CPNE8: variants seen among roughly 807,000 people sequenced by gnomAD.
CPNE8 encodes copine 8.
CPNE8 carries 45 observed loss-of-function variants against 81.5 expected under a neutral mutation model. That is an observed-to-expected ratio of 0.55 (90% CI 0.44 to 0.71). The LOEUF (loss-of-function observed/expected upper bound fraction) is 0.71, where lower values mean the gene tolerates loss of function less well. Among genes scored for constraint, CPNE8 ranks in the 30% least tolerant of loss-of-function variants. The pLI is 0.00. For missense variants in CPNE8, 594 were observed against 672.1 expected (o/e 0.88, Z 1.28); for synonymous variants, 252 against 226.3 (o/e 1.11, Z -1.02).
At chr12:38,718,900 A>G (rs903937199) in intron 13 of CPNE8, among the ~76,000 whole-genome samples, 1 of 152,246 alleles carries the variant, frequency 6.6e-6, no homozygotes, top group African/African-American at 2.4e-5. Flanking sequence ...GTGACATACT[A>G]GCATATACAC....
chr12:38,867,108 C>T (rs946712430), intron 3 of CPNE8, among the ~76,000 whole-genome samples: 1 of 152,068 alleles, frequency 6.6e-6, no homozygotes, highest in Non-Finnish European at 1.5e-5. Flanking sequence ...ACCTGCCCAC[C>T]TCACCCTCCC....
intron 6 of CPNE8, among the ~76,000 whole-genome samples, chr12:38,825,659 G>T (rs754172611): frequency 2.0e-5 from 3 of 152,184 alleles, no homozygotes; most frequent in African/African-American, 4.8e-5. Flanking sequence ...TTAAAACTTA[G>T]CCAACAGACC....
rs113124215 is a variant in CPNE8, at chr12:38,820,645, T to C, written c.407+8734A>G. ...TACTATTAGAACTCACCCTCCAAAA[T>C]AATATAGATCATGTCTTATCACTTG... On this transcript the variant is annotated intron_variant, in intron 6 of 19. Coordinates refer to ENST00000331366, the MANE Select transcript of CPNE8 (RefSeq NM_153634.3). Among the ~76,000 whole-genome samples, 915 of 152,282 alleles carry C rather than the reference T, an allele frequency of 6.0e-3. 13 individuals are homozygous for C. The highest frequency in any genetic ancestry group is 0.021 in the African/African-American group (872 of 41,556).
intron 6 of CPNE8, among the ~76,000 whole-genome samples, chr12:38,806,935 C>G (rs1411743022): frequency 6.7e-6 from 1 of 150,216 alleles, no homozygotes; most frequent in Non-Finnish European, 1.5e-5. Flanking sequence ...ACAAAAATCA[C>G]AAGCATTCTT....
At chr12:38,763,008 GCC>G (rs1941603135) in intron 8 of CPNE8, among the ~76,000 whole-genome samples, 1 of 152,130 alleles carries the variant, frequency 6.6e-6, no homozygotes, top group Non-Finnish European at 1.5e-5. Flanking sequence ...ACAGGCGCCT[GCC>G]ACTGCACCCA....
At chr12:38,669,827 G>T (rs552734903) in intron 19 of CPNE8, among the ~76,000 whole-genome samples, 1 of 152,198 alleles carries the variant, frequency 6.6e-6, no homozygotes, top group African/African-American at 2.4e-5. Context: ...GCTAAGATAG[G>T]GAAGCTAAAA....
At chr12:38,729,911 C>A (rs1317769263) in intron 11 of CPNE8, among the ~76,000 whole-genome samples, 1 of 151,770 alleles carries the variant, frequency 6.6e-6, no homozygotes, top group Non-Finnish European at 1.5e-5. Context: ...TATATGCAGA[C>A]CACAGCTCAT....
At chr12:38,719,585 A>AG (rs1940500395) in intron 13 of CPNE8, among the ~76,000 whole-genome samples, 1 of 27,780 alleles carries the variant, frequency 3.6e-5, no homozygotes, top group Non-Finnish European at 8.3e-5. Context: ...TTGTCTCAGG[A>AG]AAAAAAAAAA....
chr12:38,839,815 C>A, intron 5 of CPNE8, 101 bp downstream of exon 5: 1 of 1,057,678 alleles, frequency 9.5e-7, no homozygotes, highest in Non-Finnish European at 1.3e-6. Flanking sequence ...AATCACGTTA[C>A]ATGAATAACT....
intron 10 of CPNE8, among the ~76,000 whole-genome samples, chr12:38,743,904 T>A (rs570417768): frequency 6.6e-6 from 1 of 152,208 alleles, no homozygotes; most frequent in South Asian, 2.1e-4. Context: ...TGAATTTTTA[T>A]TGGCAGTGAC....
chr12:38,841,101 G>C (rs1170952184), intron 4 of CPNE8, among the ~76,000 whole-genome samples: 1 of 152,096 alleles, frequency 6.6e-6, no homozygotes, highest in African/African-American at 2.4e-5. Flanking sequence ...CGGATGCTAG[G>C]CAGAGGGTCC....
intron 15 of CPNE8, among the ~76,000 whole-genome samples, chr12:38,687,869 T>C (rs1275684245): frequency 6.6e-6 from 1 of 152,342 alleles, no homozygotes; most frequent in East Asian, 1.9e-4. Context: ...AAGCCTGCTT[T>C]ACATTATAAA....
intron 10 of CPNE8, among the ~76,000 whole-genome samples, chr12:38,736,416 T>C (rs1444384490): frequency 1.3e-5 from 2 of 151,918 alleles, no homozygotes; most frequent in Non-Finnish European, 2.9e-5. Context: ...GTGGTTTACA[T>C]TGGTAAAGCA....
At chr12:38,826,481 G>A (rs923661036) in intron 6 of CPNE8, among the ~76,000 whole-genome samples, 7 of 152,082 alleles carry the variant, frequency 4.6e-5, no homozygotes, top group African/African-American at 9.7e-5. Flanking sequence ...CAAGAGCTAA[G>A]AAAAATCTAA....
intron 3 of CPNE8, among the ~76,000 whole-genome samples, chr12:38,871,233 C>G (rs1045915414): frequency 1.1e-4 from 16 of 152,166 alleles, no homozygotes; most frequent in African/African-American, 3.9e-4. Context: ...TGTTGTTGTC[C>G]TTCTTCAAAC....
At chr12:38,797,663 C>G (rs1942526355) in intron 6 of CPNE8, among the ~76,000 whole-genome samples, 2 of 152,152 alleles carry the variant, frequency 1.3e-5, no homozygotes, top group Non-Finnish European at 2.9e-5. Context: ...CAAAGGAACC[C>G]AGTTCCTCAC....
intron 10 of CPNE8, among the ~76,000 whole-genome samples, chr12:38,740,509 A>G (rs1333392294): frequency 2.0e-5 from 3 of 152,180 alleles, no homozygotes; most frequent in Admixed American, 2.0e-4. Context: ...TTGCCCATTC[A>G]GTATGATATT....
chr12:38,775,125 T>A (rs563094443), intron 7 of CPNE8, among the ~76,000 whole-genome samples: 34 of 152,202 alleles, frequency 2.2e-4, no homozygotes, highest in South Asian at 4.1e-4. Context: ...TTGAGAGATA[T>A]AATATATACA....
intron 13 of CPNE8, chr12:38,720,651 A>T (rs141613648): frequency 5.5e-4 from 84 of 152,246 alleles, no homozygotes; most frequent in African/African-American, 1.6e-3. Context: ...CCATTTACTT[A>T]CCTTATTTCT....
Sources: gnomAD v4.1 joint callset for allele counts (sites outside exome capture counted in the v4.1 genomes callset) on GRCh38, gnomAD v4.1.1 for gene constraint, MANE v1.5 for transcripts, NCBI Gene and HGNC (gene_info 2026-07-23, HGNC 2026-07-21) for gene names.